GALNT13: variants seen among roughly 807,000 people sequenced by gnomAD.
GALNT13 encodes the protein UDP-GalNAc:polypeptide N-acetylgalactosaminyltransferase 13.
Under a neutral mutation model 64.2 loss-of-function variants are expected in GALNT13, and 28 were observed. The ratio of observed to expected loss-of-function variants is 0.44; its 90% CI spans 0.32 to 0.60. The LOEUF is 0.60. Ranked by LOEUF, GALNT13 falls within the 20% of genes least tolerant of loss-of-function variation. GALNT13 has a pLI of 0.05. For synonymous variants in GALNT13, 214 were observed against 224.6 expected, an observed-to-expected ratio of 0.95 and a Z score of 0.42; for missense variants, 577 against 669.8, an observed-to-expected ratio of 0.86 and a Z score of 1.53.
the GALNT13 span, among the ~76,000 whole-genome samples, chr2:153,490,959 C>CAAA: frequency 6.2e-5 from 6 of 96,056 alleles, no homozygotes; most frequent in African/African-American, 2.2e-4. Context: ...GACTCTGTCT[C>CAAA]AAAAAAAAAA....
the GALNT13 span, among the ~76,000 whole-genome samples, chr2:153,129,575 C>A: frequency 1.7e-4 from 26 of 152,220 alleles, no homozygotes; most frequent in South Asian, 4.1e-4. Context: ...GAGATGGAGA[C>A]CATTCTGGCT....
chr2:153,948,741 A>G (rs1691955275), intron 3 of GALNT13, among the ~76,000 whole-genome samples: 1 of 152,158 alleles, frequency 6.6e-6, no homozygotes, highest in Admixed American at 6.6e-5. Context: ...AGCCTTAGCA[A>G]ACTAATGCAG....
chr2:153,304,112 C>G, the GALNT13 span, among the ~76,000 whole-genome samples: 2 of 151,368 alleles, frequency 1.3e-5, no homozygotes, highest in Non-Finnish European at 2.9e-5. Context: ...TGGACCATTA[C>G]TCATTATCAG....
chr2:154,276,155 T>C (rs1482023174), intron 8 of GALNT13, among the ~76,000 whole-genome samples: 1 of 152,180 alleles, frequency 6.6e-6, no homozygotes, highest in African/African-American at 2.4e-5. Context: ...GATGAGACTG[T>C]GGACTGTGGA....
At chr2:154,273,974 G>A (rs1180798606) in intron 8 of GALNT13, among the ~76,000 whole-genome samples, 1 of 151,914 alleles carries the variant, frequency 6.6e-6, no homozygotes, top group Non-Finnish European at 1.5e-5. Context: ...AAATATATAA[G>A]AAGGTTTTTT....
At chr2:154,421,351 G>A (rs1700241572) in intron 11 of GALNT13, among the ~76,000 whole-genome samples, 1 of 151,846 alleles carries the variant, frequency 6.6e-6, no homozygotes, top group African/African-American at 2.4e-5. Flanking sequence ...CTAATCAAGT[G>A]GAAGCTACAC....
intron 9 of GALNT13, among the ~76,000 whole-genome samples, chr2:154,346,790 A>C (rs1203253408): frequency 6.6e-6 from 1 of 152,152 alleles, no homozygotes; most frequent in Non-Finnish European, 1.5e-5. Context: ...CTGCTTTTAA[A>C]TATAAGATAC....
At chr2:154,302,937 G>C (rs983923105) in intron 9 of GALNT13, among the ~76,000 whole-genome samples, 2 of 152,086 alleles carry the variant, frequency 1.3e-5, no homozygotes, top group Non-Finnish European at 2.9e-5. Context: ...GAAGGGGAAA[G>C]GTCTAGATGC....
Position 154,162,977 on chromosome 2 carries a change from T to C in GALNT13, c.311+22472T>C, listed in dbSNP as rs111332694. Among the ~76,000 whole-genome samples the C allele has an allele frequency of 2.2e-5, 3 of 135,706 alleles. No homozygotes were observed. In the East Asian group the frequency reaches 5.9e-4, roughly 27 times the overall value. 89.0% of individuals were successfully genotyped at this position (135,706 alleles called of 152,430 possible). The stretch of plus-strand genomic sequence containing the variant: ...TTTTTTTTTATTTTATTTTTCTATT[T>C]TTTTTTTTATATTTTTTATTATACT... On this transcript the variant is annotated intron_variant, in intron 4 of 12. Coordinates refer to ENST00000392825, the MANE Select transcript of GALNT13 (RefSeq NM_052917.4).
chr2:154,239,959 C>T (rs1689393641), intron 4 of GALNT13, among the ~76,000 whole-genome samples: 1 of 152,048 alleles, frequency 6.6e-6, no homozygotes, highest in African/African-American at 2.4e-5. Context: ...TTCAACAATG[C>T]TGTATGTGTC....
At chr2:153,162,159 A>G in the GALNT13 span, among the ~76,000 whole-genome samples, 1 of 152,192 alleles carries the variant, frequency 6.6e-6, no homozygotes, top group Admixed American at 6.5e-5. Context: ...GAGGTATTCT[A>G]CATCCACAAT....
the GALNT13 span, among the ~76,000 whole-genome samples, chr2:153,474,426 A>G: frequency 6.6e-6 from 1 of 152,192 alleles, no homozygotes; most frequent in Non-Finnish European, 1.5e-5. Context: ...AGAAGCCAGG[A>G]TGGCTTGGAA....
the GALNT13 span, among the ~76,000 whole-genome samples, chr2:153,111,471 G>A: frequency 6.6e-6 from 1 of 151,904 alleles, no homozygotes; most frequent in South Asian, 2.1e-4. Context: ...TCTAATTTAA[G>A]CCTAAAAGAT....
chr2:153,756,058 T>C, the GALNT13 span, among the ~76,000 whole-genome samples: 1 of 152,118 alleles, frequency 6.6e-6, no homozygotes, highest in Non-Finnish European at 1.5e-5. Context: ...AAAAATAACT[T>C]ATAAGATTAT....
the GALNT13 span, among the ~76,000 whole-genome samples, chr2:153,194,631 G>A: frequency 6.6e-6 from 1 of 152,150 alleles, no homozygotes; most frequent in African/African-American, 2.4e-5. Context: ...TCATTTGAAG[G>A]TGTCACATTT....
At chr2:153,691,786 G>T in the GALNT13 span, among the ~76,000 whole-genome samples, 6 of 152,050 alleles carry the variant, frequency 3.9e-5, no homozygotes, top group Non-Finnish European at 8.8e-5. Context: ...ACTACTGGTG[G>T]TATTGAAAAT....
chr2:153,846,763 G>A, the GALNT13 span, among the ~76,000 whole-genome samples: 2 of 151,886 alleles, frequency 1.3e-5, no homozygotes, highest in Admixed American at 1.3e-4. Context: ...AAATGAATAC[G>A]CAGATAGAGG....
chr2:153,108,688 A>T, the GALNT13 span, among the ~76,000 whole-genome samples: 1 of 152,164 alleles, frequency 6.6e-6, no homozygotes, highest in Non-Finnish European at 1.5e-5. Flanking sequence ...CCTCTGAGAG[A>T]TAATAACTCC....
At chr2:153,369,693 C>T in the GALNT13 span, among the ~76,000 whole-genome samples, 1 of 152,164 alleles carries the variant, frequency 6.6e-6, no homozygotes, top group Non-Finnish European at 1.5e-5. Context: ...CCGTGACTTC[C>T]ACCTTGGGCA....
Sources: allele counts gnomAD v4.1 joint callset (sites outside exome capture counted in the v4.1 genomes callset), GRCh38; gene constraint gnomAD v4.1.1; transcripts MANE v1.5; gene names NCBI Gene and HGNC (gene_info 2026-07-23, HGNC 2026-07-21).